The following DCP1B variants were observed in gnomAD, a reference collection of about 807,000 sequenced individuals.
The protein encoded by DCP1B is decapping mRNA 1B.
In DCP1B, 47 loss-of-function variants were observed where a neutral mutation model predicts 60.5. That is an observed-to-expected ratio of 0.78 (90% CI 0.61 to 0.99). The LOEUF is 0.99. DCP1B is among the 50% of genes least tolerant of loss of function. The pLI is 0.00. For missense variants in DCP1B, 725 were observed against 756.8 expected (o/e 0.96, Z 0.49); for synonymous variants, 267 against 280.3 (o/e 0.95, Z 0.47).
At chr12:1,941,930 C>T (rs567100627), downstream of DCP1B, among the ~76,000 whole-genome samples, 302 of 152,308 alleles carry the variant, frequency 2.0e-3, no homozygotes, top group Non-Finnish European at 3.4e-3. Context: ...ATCAAGTTTA[C>T]ACACAACAAT....
intron 5 of DCP1B, among the ~76,000 whole-genome samples, chr12:1,963,358 A>G (rs2154457013): frequency 6.6e-6 from 1 of 152,362 alleles, no homozygotes; most frequent in Non-Finnish European, 1.5e-5. Context: ...GGTAGAGAAC[A>G]GCTCTCCCTC....
intron 3 of DCP1B, among the ~76,000 whole-genome samples, chr12:1,982,468 T>C (rs1284675516): frequency 6.6e-6 from 1 of 152,204 alleles, no homozygotes; most frequent in Non-Finnish European, 1.5e-5. Context: ...AGTGGAATCA[T>C]ACAATATTTG....
At chr12:1,950,356 C>G (rs771049575) in intron 7 of DCP1B, 2 of 702,348 alleles carry the variant, frequency 2.8e-6, no homozygotes, top group East Asian at 5.4e-5. Context: ...CTTTCTCACT[C>G]GGCTCTTGAT....
At chr12:1,970,774 A>G (rs1297920562) in intron 3 of DCP1B, 2 of 180,004 alleles carry the variant, frequency 1.1e-5, no homozygotes, top group Non-Finnish European at 2.4e-5. Flanking sequence ...ACTGGCTGAG[A>G]GGCCCATCCC....
intron 2 of DCP1B, among the ~76,000 whole-genome samples, chr12:1,996,636 AAAAAAAAAAAAAAAAAAAACAAC>A (rs1194284546): frequency 4.1e-5 from 5 of 120,702 alleles, no homozygotes; most frequent in Admixed American, 8.5e-5. Flanking sequence ...AAAAAAAAAA[AAAAAAAAAAAAAAAAAAAACAAC>A]AAACTCTTCT....
intron 1 of DCP1B, among the ~76,000 whole-genome samples, 184 bp from the exon 2 acceptor site, chr12:1,998,159 T>G (rs1170078759): frequency 6.6e-6 from 1 of 152,228 alleles, no homozygotes; most frequent in Admixed American, 6.5e-5. Flanking sequence ...CTCTGCAGAT[T>G]AGGCAGCAGG....
chr12:1,979,779 TTG>T, intron 3 of DCP1B, among the ~76,000 whole-genome samples: 1 of 152,356 alleles, frequency 6.6e-6, no homozygotes, highest in East Asian at 1.9e-4. Context: ...TCATTAACAC[TTG>T]TCTTTTTAAT....
At chr12:1,996,654 AACAACAAAC>A (rs2040966057) in intron 2 of DCP1B, among the ~76,000 whole-genome samples, 3 of 32,530 alleles carry the variant, frequency 9.2e-5, no homozygotes, top group African/African-American at 4.4e-4. Flanking sequence ...AAAAAAAAAA[AACAACAAAC>A]TCTTCTAATG....
chr12:1,996,260 A>G (rs1042502001), intron 2 of DCP1B, among the ~76,000 whole-genome samples: 2 of 152,166 alleles, frequency 1.3e-5, no homozygotes, highest in Non-Finnish European at 2.9e-5. Context: ...TAAGCCTTCA[A>G]TAACTTCCTA....
Position 1,948,970 on chromosome 12 carries a change from A to G in DCP1B, c.1773+116T>C. On this transcript the variant is annotated intron_variant, in intron 8 of 8. Transcript: ENST00000280665. The surrounding 1 kb of genome is among the most constrained non-coding windows in gnomAD (Gnocchi z 4.8). Reference sequence around the variant, plus strand: ...CTGGGGTCAGGATGAGTTGTTACACACACCTGTTATTCTCACGGAAGCTAA... The same window carrying G: ...CTGGGGTCAGGATGAGTTGTTACACGCACCTGTTATTCTCACGGAAGCTAA... 7.3e-7 allele frequency: 1 copy of G among 1,370,328 alleles called. No homozygotes were observed. The highest frequency in any genetic ancestry group is 1.4e-5 in the African/African-American group (1 of 69,284). 84.9% of individuals were successfully genotyped at this position (1,370,328 alleles called of 1,614,324 possible). A position where few individuals can be genotyped will look rare whatever the true frequency, so the allele number is the denominator to read the frequency against.
In DCP1B at chr12:1,953,178, C is replaced by G. The variant is rs756921559; in HGVS notation, c.762G>C (p.Gln254His). Reference sequence around the variant, plus strand: ...TCTCTTGCTGCTGCTGCTGCTGCTGCTGCTGCTGGTGGAGAGTCTGCGGAG... The same window carrying G: ...TCTCTTGCTGCTGCTGCTGCTGCTGGTGCTGCTGGTGGAGAGTCTGCGGAG... Reference protein sequence around the residue: ...VEPPQTLHQQQQQQQQQQEKL... With the variant: ...VEPPQTLHQQHQQQQQQQEKL... The change falls in exon 7 of 9, where the codon CAG becomes CAC. Residue 254 changes from glutamine (Q) to histidine (H), a missense_variant. Coordinates refer to ENST00000280665, the MANE Select transcript of DCP1B (RefSeq NM_152640.5). The G allele has an allele frequency of 1.2e-6, 2 of 1,612,604 alleles. No homozygotes were observed. The highest frequency in any genetic ancestry group is 8.5e-7 in the Non-Finnish European group (1 of 1,179,978).
intron 3 of DCP1B, among the ~76,000 whole-genome samples, chr12:1,987,133 C>A (rs906695439): frequency 6.6e-6 from 1 of 152,206 alleles, no homozygotes. Context: ...CCCAGCTTTA[C>A]AAACGATTTG....
chr12:1,948,101 T>C lies in DCP1B; in HGVS notation c.1773+985A>G. On this transcript the variant is annotated intron_variant, in intron 8 of 8. Transcript: ENST00000280665. The surrounding 1 kb of genome is among the most constrained non-coding windows in gnomAD (Gnocchi z 4.8). ...AAGCAAAGTACCACACAAGTTTTCT[T>C]AAAGATTATCTACCAAAAAGACACC... Among the ~76,000 whole-genome samples the C allele has an allele frequency of 6.6e-6, 1 of 152,246 alleles. No individual in the cohort carries two copies. The highest frequency in any genetic ancestry group is 1.9e-4 in the East Asian group (1 of 5,198).
In DCP1B at chr12:1,946,095, CT is replaced by C. The variant is rs200256913; in HGVS notation, c.*110del. ...AACATTTTACTTCATATTACACATA[CT>C]TTTTTTTTAAAAAAGGCAGAAACAT... is the stretch of plus-strand genomic sequence containing the variant. On this transcript the variant is annotated 3_prime_UTR_variant, in exon 9 of 9. Transcript: ENST00000280665. The C allele has an allele frequency of 3.8e-4, 307 of 812,218 alleles. No homozygotes were observed. The highest frequency in any genetic ancestry group is 9.9e-4 in the South Asian group (39 of 39,316). 50.3% of individuals were successfully genotyped at this position (812,218 alleles called of 1,614,324 possible). A position where few individuals can be genotyped will look rare whatever the true frequency, so the allele number is the denominator to read the frequency against.
chr12:1,956,860 C>T (rs998653371), intron 5 of DCP1B, among the ~76,000 whole-genome samples: 18 of 152,156 alleles, frequency 1.2e-4, no homozygotes, highest in Non-Finnish European at 2.2e-4. Context: ...TCTTCTTTTT[C>T]TATGTTCAGA....
At chr12:1,945,339 A>G (rs1433599033), downstream of DCP1B, among the ~76,000 whole-genome samples, 2 of 152,242 alleles carry the variant, frequency 1.3e-5, no homozygotes, top group Non-Finnish European at 2.9e-5. Flanking sequence ...GGGAGTGTAA[A>G]TTAGTTCAAC....
intron 3 of DCP1B, among the ~76,000 whole-genome samples, chr12:1,985,874 G>A (rs1388068504): frequency 6.6e-6 from 1 of 151,980 alleles, no homozygotes; most frequent in Admixed American, 6.5e-5. Context: ...GCAGTGGTGC[G>A]ATCTTGGCTC....
Position 2,004,256 on chromosome 12 carries a change from C to T in DCP1B, c.150+26G>A, listed in dbSNP as rs777289607. The stretch of plus-strand genomic sequence containing the variant: ...CCGCCTCCACCCCAACCCTGGGCTG[C>T]ACTGCTCCGCCGCGTCCGCACGCAC... On this transcript the variant is annotated intron_variant, in intron 1 of 8. Coordinates refer to ENST00000280665, the MANE Select transcript of DCP1B (RefSeq NM_152640.5). The T allele has an allele frequency of 2.5e-5, 41 of 1,612,090 alleles. No individual in the cohort carries two copies. In the South Asian group the frequency reaches 4.3e-4, roughly 17 times the overall value.
In DCP1B at chr12:1,993,411, A is replaced by AG; in HGVS notation, c.192-21dup. On this transcript the variant is annotated intron_variant, in intron 2 of 8. Transcript: ENST00000280665. ...GCAGACCTAAAAATCACAAGGAGTC[A>AG]GGGGGAAATCAATAGACAAATTGCT... 6.2e-7 allele frequency: 1 copy of AG among 1,606,450 alleles called. No individual in the cohort carries two copies. Among genetic ancestry groups the AG allele is most frequent in the Non-Finnish European group, 8.5e-7 (1 of 1,175,372 alleles).
Sources: gnomAD v4.1 joint callset for allele counts (sites outside exome capture counted in the v4.1 genomes callset) on GRCh38, gnomAD v4.1.1 for gene constraint, Gnocchi (gnomAD v3.1) non-coding constraint, MANE v1.5 for transcripts, NCBI Gene and HGNC (gene_info 2026-07-23, HGNC 2026-07-21) for gene names.